The following KAZN variants were observed in gnomAD, a reference collection of about 807,000 sequenced individuals.
KAZN encodes the protein kazrin, periplakin interacting protein.
A neutral mutation model predicts 87.4 loss-of-function variants in KAZN; 40 were observed. That is an observed-to-expected ratio of 0.46 (90% CI 0.36 to 0.60). KAZN has a LOEUF of 0.60. Ranked by LOEUF, KAZN falls within the 20% of genes least tolerant of loss-of-function variation. KAZN has a pLI of 0.00. For missense variants in KAZN, 898 were observed against 1,073.9 expected (o/e 0.84, Z 2.29); for synonymous variants, 466 against 458.3 (o/e 1.02, Z -0.22).
chr1:14,595,680 C>CAAAAAA (rs34080804), upstream of KAZN, among the ~76,000 whole-genome samples: 21 of 96,420 alleles, frequency 2.2e-4, no homozygotes, highest in East Asian at 5.8e-4. Context: ...GACTGCGTCT[C>CAAAAAA]AAAAAAAAAA....
rs192004728 is a variant in KAZN, at chr1:14,890,621, G to A, written c.227-70063G>A. On this transcript the variant is annotated intron_variant, in intron 1 of 14. Coordinates refer to ENST00000376030, the MANE Select transcript of KAZN (RefSeq NM_201628.3). ...GGCGTGAATCAGAGTCCTCTTGTGGGCTTTCTCAGTATACAGACTTCCGGG... is the reference window on the plus strand; with the variant it reads ...GGCGTGAATCAGAGTCCTCTTGTGGACTTTCTCAGTATACAGACTTCCGGG... Among the ~76,000 whole-genome samples the A allele has an allele frequency of 1.8e-3, 272 of 152,310 alleles. 2 individuals carry two copies. The highest frequency in any genetic ancestry group is 6.3e-3 in the African/African-American group (262 of 41,568).
intron 1 of KAZN, among the ~76,000 whole-genome samples, chr1:14,782,833 A>G (rs1358605441): frequency 6.6e-6 from 1 of 151,978 alleles, no homozygotes; most frequent in Non-Finnish European, 1.5e-5. Flanking sequence ...CATCCCCCCA[A>G]CCTCGCTGCA....
At position 14,599,068 on chromosome 1, in the gene KAZN, C is replaced by A. The variant is rs762178811; in HGVS notation, c.71C>A (p.Thr24Asn). The change falls in exon 1 of 15, where the codon ACC becomes AAC. Residue 24 changes from threonine (T) to asparagine (N), a missense_variant. Coordinates refer to ENST00000376030, the MANE Select transcript of KAZN (RefSeq NM_201628.3). The surrounding 1 kb of genome is among the most constrained non-coding windows in gnomAD (Gnocchi z 4.4). ...GAVQSASQEV[T>N]NLRAELTATN... ...GTCCAGTCGGCCAGCCAGGAGGTGA[C>A]CAACCTGCGAGCCGAACTCACGGCC... 1 of 1,562,412 alleles carries A rather than the reference C, an allele frequency of 6.4e-7. No individual in the cohort carries two copies. The highest frequency in any genetic ancestry group is 1.4e-5 in the African/African-American group (1 of 70,498).
chr1:14,597,692 C>G (rs542559170), upstream of KAZN, among the ~76,000 whole-genome samples: 1 of 152,106 alleles, frequency 6.6e-6, no homozygotes, highest in Non-Finnish European at 1.5e-5. Flanking sequence ...TTGCTGCTCT[C>G]CGGAGGTTGA....
At chr1:13,953,970 A>G (rs895853265) in intron 1 of KAZN, among the ~76,000 whole-genome samples, 9 of 152,232 alleles carry the variant, frequency 5.9e-5, no homozygotes, top group African/African-American at 9.6e-5. Context: ...CAGGTTTGCC[A>G]TTAGGTGTGG....
chr1:14,755,956 C>T (rs924318639), intron 1 of KAZN, among the ~76,000 whole-genome samples: 5 of 152,176 alleles, frequency 3.3e-5, no homozygotes, highest in African/African-American at 1.2e-4. Flanking sequence ...CAGAGCTGAC[C>T]TGTGTCTAGA....
intron 1 of KAZN, among the ~76,000 whole-genome samples, chr1:14,801,296 C>A (rs900272590): frequency 6.6e-6 from 1 of 152,120 alleles, no homozygotes; most frequent in Non-Finnish European, 1.5e-5. Context: ...TCCAGGGAGT[C>A]AAAACCAGGA....
At chr1:14,264,958 C>T (rs1651358607) in intron 2 of KAZN, among the ~76,000 whole-genome samples, 1 of 152,168 alleles carries the variant, frequency 6.6e-6, no homozygotes, top group Non-Finnish European at 1.5e-5. Flanking sequence ...GCATGGACAT[C>T]TCTGGGGAAG....
At chr1:15,049,474 C>G (rs1674064809) in intron 4 of KAZN, among the ~76,000 whole-genome samples, 1 of 152,258 alleles carries the variant, frequency 6.6e-6, no homozygotes, top group South Asian at 2.1e-4. Context: ...AGCAGCACCC[C>G]CTCCACCCCA....
At chr1:14,652,927 G>T (rs891512031) in intron 1 of KAZN, among the ~76,000 whole-genome samples, 1 of 152,070 alleles carries the variant, frequency 6.6e-6, no homozygotes, top group Admixed American at 6.5e-5. Flanking sequence ...GGCAGGTGGA[G>T]TCCAAGGATG....
intron 1 of KAZN, among the ~76,000 whole-genome samples, chr1:14,076,287 A>G (rs922316168): frequency 6.6e-6 from 1 of 152,158 alleles, no homozygotes; most frequent in Non-Finnish European, 1.5e-5. Context: ...TCTAAAAAAA[A>G]AAGGGAAAGG....
intron 2 of KAZN, among the ~76,000 whole-genome samples, chr1:14,345,719 A>C (rs1658058559): frequency 6.6e-6 from 1 of 152,226 alleles, no homozygotes; most frequent in Admixed American, 6.5e-5. Flanking sequence ...GTTTTTTAAA[A>C]AAATAAAGAA....
At chr1:14,427,753 C>G (rs2101358448) in intron 2 of KAZN, among the ~76,000 whole-genome samples, 1 of 152,294 alleles carries the variant, frequency 6.6e-6, no homozygotes, top group South Asian at 2.1e-4. Context: ...CCAAGCAAGT[C>G]CATGCTCACC....
rs184138809 is a variant in KAZN at position 14,676,682 on chromosome 1, G to A, written c.226+77459G>A. ...GAACCTTGAAAACATCATGCTAAAG[G>A]GAAAAAGCCAGACACAAAAGGCCAT... On this transcript the variant is annotated intron_variant, in intron 1 of 14. Transcript: ENST00000376030. 3.7e-4 allele frequency among the ~76,000 whole-genome samples: 56 copies of A among 152,170 alleles called. 3 individuals are homozygous for A. The highest frequency in any genetic ancestry group is 3.3e-3 in the Admixed American group (51 of 15,296).
intron 1 of KAZN, among the ~76,000 whole-genome samples, chr1:14,638,510 A>G (rs890602139): frequency 6.6e-6 from 1 of 150,688 alleles, no homozygotes; most frequent in Non-Finnish European, 1.5e-5. Flanking sequence ...CGGAGGTTGC[A>G]GCGAGCTGAG....
At chr1:15,030,971 G>A (rs1332597032) in intron 2 of KAZN, among the ~76,000 whole-genome samples, 1 of 152,252 alleles carries the variant, frequency 6.6e-6, no homozygotes, top group African/African-American at 2.4e-5. Context: ...CACCTGGGGA[G>A]CTTATGTTGG....
intron 1 of KAZN, among the ~76,000 whole-genome samples, chr1:13,920,122 C>T (rs930815719): frequency 5.3e-5 from 8 of 151,410 alleles, no homozygotes; most frequent in African/African-American, 1.5e-4. Context: ...TGGTGGCATG[C>T]GACTGTAGTC....
rs1571720281 is a variant in KAZN at position 14,466,996 on chromosome 1, C to A, written c.250-131987C>A. ...AAAAAAATTAATTAAATAAATAAAC[C>A]GAAGAAACTATTGATTCACAGCAAC... is the stretch of plus-strand genomic sequence containing the variant. On this transcript the variant is annotated intron_variant, in intron 2 of 16. Coordinates refer to the KAZN transcript ENST00000636203. Among the ~76,000 whole-genome samples the A allele has an allele frequency of 3.9e-5, 6 of 152,028 alleles. 1 individual carries two copies. The South Asian group carries it at 1.2e-3, about 32-fold the overall frequency.
At chr1:14,365,700 A>G (rs1242053968) in intron 2 of KAZN, among the ~76,000 whole-genome samples, 1 of 152,154 alleles carries the variant, frequency 6.6e-6, no homozygotes, top group Non-Finnish European at 1.5e-5. Context: ...CAGTCATAAC[A>G]ATCACAAACG....
Sources: gnomAD v4.1 joint callset for allele counts (sites outside exome capture counted in the v4.1 genomes callset) on GRCh38, gnomAD v4.1.1 for gene constraint, Gnocchi (gnomAD v3.1) non-coding constraint, MANE v1.5 for transcripts, NCBI Gene and HGNC (gene_info 2026-07-23, HGNC 2026-07-21) for gene names.